The following DPP10 variants were observed in gnomAD, a reference collection of about 807,000 sequenced individuals.
DPP10 encodes the protein dipeptidyl peptidase like 10.
Under a neutral mutation model 120.9 loss-of-function variants are expected in DPP10, and 33 were observed. The observed-to-expected ratio is 0.27, with a 90% CI of 0.21 to 0.37. DPP10 has a LOEUF of 0.37. DPP10 is among the 10% of genes least tolerant of loss of function. The pLI is 1.00. For missense variants in DPP10, 816 were observed against 942.8 expected, an observed-to-expected ratio of 0.87 and a Z score of 1.76; for synonymous variants, 337 against 326.1, an observed-to-expected ratio of 1.03 and a Z score of -0.36.
intron 1 of DPP10, among the ~76,000 whole-genome samples, chr2:115,275,624 A>G (rs2059881540): frequency 6.6e-6 from 1 of 151,918 alleles, no homozygotes; most frequent in Non-Finnish European, 1.5e-5. Context: ...AATTATATAG[A>G]AAAGTTTCTT....
chr2:115,003,567 G>C (rs1483374895), intron 1 of DPP10, among the ~76,000 whole-genome samples: 2 of 151,964 alleles, frequency 1.3e-5, no homozygotes, highest in East Asian at 3.9e-4. Flanking sequence ...AGTAAATTTT[G>C]TGAAGTCTTT....
At chr2:115,064,310 C>A (rs549188082) in intron 1 of DPP10, among the ~76,000 whole-genome samples, 2 of 152,092 alleles carry the variant, frequency 1.3e-5, no homozygotes, top group African/African-American at 4.8e-5. Context: ...GAGTGTGATC[C>A]CAGGGAGAAG....
intron 5 of DPP10, among the ~76,000 whole-genome samples, chr2:115,610,541 G>A (rs1266743403): frequency 6.6e-6 from 1 of 150,622 alleles, no homozygotes. Context: ...AGTTTAAAAC[G>A]ATTTGCATTA....
chr2:115,162,109 C>G lies in DPP10; in HGVS notation c.61-147130C>G, dbSNP rs2052428385. The G allele has an allele frequency of 2.6e-6, 4 of 1,511,910 alleles. 1 individual carries two copies. Among genetic ancestry groups the G allele is most frequent in the Non-Finnish European group, 3.5e-6 (4 of 1,130,036 alleles). The allele number at this position is 1,511,910 out of a possible 1,614,324, so 93.7% of individuals were successfully genotyped here. A position where few individuals can be genotyped will look rare whatever the true frequency, so the allele number is the denominator to read the frequency against. On this transcript the variant is annotated intron_variant, in intron 1 of 25. Transcript: ENST00000410059. ...CTCCGCCCGCCTCCCGCTTCCCAGG[C>G]TGGGCTCCCGCGCCTCCCTCTTCTC...
chr2:115,126,476 C>A (rs992094879), intron 1 of DPP10, among the ~76,000 whole-genome samples: 1 of 151,920 alleles, frequency 6.6e-6, no homozygotes, highest in Non-Finnish European at 1.5e-5. Flanking sequence ...TCTGTCCACC[C>A]GGAGTAGTTG....
chr2:114,448,054 C>A (rs1003879301), intron 1 of DPP10, among the ~76,000 whole-genome samples: 25 of 152,090 alleles, frequency 1.6e-4, no homozygotes, highest in Non-Finnish European at 1.5e-4. Flanking sequence ...AATTATAGCA[C>A]AATTTATTTC....
At chr2:115,578,046 C>T (rs2081786994) in intron 5 of DPP10, among the ~76,000 whole-genome samples, 1 of 152,098 alleles carries the variant, frequency 6.6e-6, no homozygotes, top group Non-Finnish European at 1.5e-5. Flanking sequence ...TATTAAAAAA[C>T]TGAATACCTA....
intron 5 of DPP10, among the ~76,000 whole-genome samples, chr2:115,634,863 G>A (rs2086191360): frequency 1.3e-5 from 2 of 152,106 alleles, no homozygotes; most frequent in African/African-American, 4.8e-5. Context: ...CCTCCTTCTA[G>A]GGGCTCAGTC....
At chr2:114,982,414 A>T (rs1471961350) in intron 1 of DPP10, among the ~76,000 whole-genome samples, 2 of 152,172 alleles carry the variant, frequency 1.3e-5, no homozygotes, top group Non-Finnish European at 2.9e-5. Context: ...AAACAGAGCC[A>T]GTAAATTATG....
At chr2:114,694,539 T>C (rs1027177756) in intron 1 of DPP10, among the ~76,000 whole-genome samples, 3 of 152,024 alleles carry the variant, frequency 2.0e-5, no homozygotes, top group African/African-American at 7.2e-5. Context: ...AAAATTAATA[T>C]GTGTTCTCTT....
chr2:115,746,253 T>A, intron 10 of DPP10, 70 bp downstream of exon 10: 1 of 1,331,870 alleles, frequency 7.5e-7, no homozygotes. Flanking sequence ...TTGTTGCAAT[T>A]TAGAGAGAGA....
rs1228737533 is a variant in DPP10, at chr2:114,888,803, A to C, written c.61-420436A>C. Among the ~76,000 whole-genome samples, 3 of 152,198 alleles carry C rather than the reference A, an allele frequency of 2.0e-5. No homozygotes were observed. In the South Asian group the frequency reaches 6.2e-4, roughly 31 times the overall value. On this transcript the variant is annotated intron_variant, in intron 1 of 25. Transcript: ENST00000410059. The stretch of plus-strand genomic sequence containing the variant: ...GGTTCCTCTTTACAATGGGCATTCC[A>C]CTATGAGATAGCACAGATAACTTGG...
At chr2:115,137,623 G>T (rs2050715106) in intron 1 of DPP10, among the ~76,000 whole-genome samples, 1 of 152,214 alleles carries the variant, frequency 6.6e-6, no homozygotes, top group South Asian at 2.1e-4. Context: ...TAGTTAAGAA[G>T]AGATTAATTA....
chr2:115,000,000 T>C (rs941567690), intron 1 of DPP10, among the ~76,000 whole-genome samples: 64 of 111,514 alleles, frequency 5.7e-4, no homozygotes, highest in African/African-American at 2.0e-3. Context: ...CATTGTTATG[T>C]TAATTCAACC....
In DPP10 at chr2:115,558,562, G is replaced by C. The variant is rs540392695; in HGVS notation, c.441+32590G>C. ...AGCAATCAGGGGCATCCTGAACTGG[G>C]TGGTCTCTATACCACAGTCTGAAAA... is the stretch of plus-strand genomic sequence containing the variant. On this transcript the variant is annotated intron_variant, in intron 5 of 25. Transcript: ENST00000410059. 2.6e-5 allele frequency among the ~76,000 whole-genome samples: 4 copies of C among 152,188 alleles called. No homozygotes were observed. In the East Asian group the frequency reaches 7.8e-4, roughly 30 times the overall value.
intron 21 of DPP10, among the ~76,000 whole-genome samples, chr2:115,816,680 G>T (rs189800138): frequency 6.8e-6 from 1 of 146,326 alleles, no homozygotes; most frequent in African/African-American, 2.5e-5. Context: ...GCAGTGGCGC[G>T]ATCTGGGCTC....
At chr2:115,802,024 G>A (rs1685306180) in intron 19 of DPP10, among the ~76,000 whole-genome samples, 1 of 152,054 alleles carries the variant, frequency 6.6e-6, no homozygotes, top group Non-Finnish European at 1.5e-5. Context: ...GCTCCTCCTT[G>A]TACCTCTGGT....
At position 114,850,979 on chromosome 2, in the gene DPP10, C is replaced by T. The variant is rs180944304; in HGVS notation, c.60+408141C>T. Reference sequence around the variant, plus strand: ...TGTTTTGTAGGAAAGGAATTTACACCATTTATAATAGTTAGAACAAGAAAT... The same window carrying T: ...TGTTTTGTAGGAAAGGAATTTACACTATTTATAATAGTTAGAACAAGAAAT... On this transcript the variant is annotated intron_variant, in intron 1 of 25. Transcript: ENST00000410059. 2.0e-5 allele frequency among the ~76,000 whole-genome samples: 3 copies of T among 152,018 alleles called. No homozygotes were observed. In the East Asian group the frequency reaches 5.8e-4, roughly 29 times the overall value.
chr2:114,796,487 A>G (rs1683726566), intron 1 of DPP10, among the ~76,000 whole-genome samples: 1 of 151,972 alleles, frequency 6.6e-6, no homozygotes, highest in African/African-American at 2.4e-5. Flanking sequence ...TATATATAAC[A>G]TACAAAATAT....
Sources: gnomAD v4.1 joint callset for allele counts (sites outside exome capture counted in the v4.1 genomes callset) on GRCh38, gnomAD v4.1.1 for gene constraint, MANE v1.5 for transcripts, NCBI Gene and HGNC (gene_info 2026-07-23, HGNC 2026-07-21) for gene names.